Variants in CCDC126 observed in about 807,000 individuals in gnomAD.
CCDC126 encodes the protein coiled-coil domain containing 126.
Under a neutral mutation model 11.7 loss-of-function variants are expected in CCDC126, and 5 were observed. The observed-to-expected ratio is 0.43, with a 90% CI of 0.22 to 0.90. The LOEUF is 0.90. Ranked by LOEUF, CCDC126 falls within the 40% of genes least tolerant of loss-of-function variation. The pLI is 0.27. For missense variants in CCDC126, 150 were observed against 163.1 expected, an observed-to-expected ratio of 0.92 and a Z score of 0.44; for synonymous variants, 60 against 61.9, an observed-to-expected ratio of 0.97 and a Z score of 0.14.
chr7:23,614,758 A>G (rs1461434859), intron 3 of CCDC126, among the ~76,000 whole-genome samples: 2 of 152,178 alleles, frequency 1.3e-5, no homozygotes, highest in African/African-American at 4.8e-5. Context: ...GACTGGGCAC[A>G]TTGTCAAGGA....
chr7:23,620,507 A>G (rs1305310600), intron 3 of CCDC126, among the ~76,000 whole-genome samples: 1 of 151,652 alleles, frequency 6.6e-6, no homozygotes, highest in Non-Finnish European at 1.5e-5. Context: ...GATTGCAAAA[A>G]TTTTCTCCCA....
chr7:23,608,200 T>TA (rs1333456630), intron 2 of CCDC126, among the ~76,000 whole-genome samples: 1 of 152,212 alleles, frequency 6.6e-6, no homozygotes, highest in Non-Finnish European at 1.5e-5. Flanking sequence ...CGAAAACCCT[T>TA]ACTGTGCATC....
intron 3 of CCDC126, among the ~76,000 whole-genome samples, chr7:23,617,190 A>G (rs1782807573): frequency 6.6e-6 from 1 of 151,826 alleles, no homozygotes; most frequent in African/African-American, 2.4e-5. Flanking sequence ...TCTACTAAAA[A>G]TACGAAAATT....
At chr7:23,622,563 C>CTG (rs1782933427) in intron 3 of CCDC126, 1 of 535,996 alleles carries the variant, frequency 1.9e-6, no homozygotes, top group African/African-American at 1.9e-5. Flanking sequence ...CCTTGTGTAA[C>CTG]TGATTGTGTA....
At chr7:23,629,215 T>C (rs1374900970) in intron 3 of CCDC126, among the ~76,000 whole-genome samples, 1 of 152,234 alleles carries the variant, frequency 6.6e-6, no homozygotes, top group African/African-American at 2.4e-5. Context: ...GTGGCGTCTT[T>C]GGGAGGTGAT....
chr7:23,619,989 T>C (rs1359973774), intron 3 of CCDC126, among the ~76,000 whole-genome samples: 3 of 152,020 alleles, frequency 2.0e-5, no homozygotes, highest in African/African-American at 7.3e-5. Flanking sequence ...CATTGTTGGA[T>C]ATTTGGGTTG....
intron 3 of CCDC126, among the ~76,000 whole-genome samples, chr7:23,625,002 C>T (rs1161788263): frequency 2.0e-5 from 3 of 152,124 alleles, no homozygotes; most frequent in African/African-American, 4.8e-5. Context: ...TCCACCCTGC[C>T]GGGCTAATTT....
chr7:23,638,022 T>C (rs1257639297), intron 3 of CCDC126, among the ~76,000 whole-genome samples: 4 of 128,248 alleles, frequency 3.1e-5, no homozygotes, highest in Non-Finnish European at 6.8e-5. Context: ...GGAGCGCCTC[T>C]GCCCGGCCGC....
Position 23,628,628 on chromosome 7 carries a change from C to T in CCDC126, c.239-14303C>T, listed in dbSNP as rs375151760. On this transcript the variant is annotated intron_variant, in intron 3 of 3. Coordinates refer to ENST00000307471, the MANE Select transcript of CCDC126 (RefSeq NM_138771.4). ...AGGTGTTAGAGAAGGCAGTAGGAGCCGGAAATGTCACCCCTGCCAGCCAGC... is the reference window on the plus strand; with the variant it reads ...AGGTGTTAGAGAAGGCAGTAGGAGCTGGAAATGTCACCCCTGCCAGCCAGC... Among the ~76,000 whole-genome samples the T allele has an allele frequency of 1.6e-4, 24 of 152,292 alleles. No homozygotes were observed. The South Asian group carries it at 2.7e-3, about 17-fold the overall frequency.
In CCDC126 at chr7:23,629,913, T is replaced by C. The variant is rs112044302; in HGVS notation, c.239-13018T>C. 1.8e-4 allele frequency among the ~76,000 whole-genome samples: 27 copies of C among 152,276 alleles called. 2 individuals carry two copies. The highest frequency in any genetic ancestry group is 4.6e-4 in the African/African-American group (19 of 41,570). ...ATGAGAGCAGAGCTGGAAAAGCAAT[T>C]GAAGAAATGCTGTAAAATTTCCATA... On this transcript the variant is annotated intron_variant, in intron 3 of 3. Transcript: ENST00000307471.
Position 23,641,141 on chromosome 7 carries a change from G to T in CCDC126, c.239-1790G>T, listed in dbSNP as rs541755488. 5.9e-5 allele frequency among the ~76,000 whole-genome samples: 9 copies of T among 151,548 alleles called. No individual in the cohort carries two copies. The South Asian group carries it at 1.9e-3, about 32-fold the overall frequency. On this transcript the variant is annotated intron_variant, in intron 3 of 3. Transcript: ENST00000307471. ...ATATTCCCACCACTAATGTATGAGG[G>T]TTTCAGTTTCTCTGCATCCTTGCCA...
rs546768073 is a variant in CCDC126 at position 23,608,617 on chromosome 7, G to A, written c.-145-2554G>A. ...CCTAAGTTAGCCCTTAGAGAATAAT[G>A]CCTAATGGCATGATGATAATGGCAG... On this transcript the variant is annotated intron_variant, in intron 2 of 3. Transcript: ENST00000307471. Among the ~76,000 whole-genome samples, 6 of 152,190 alleles carry A rather than the reference G, an allele frequency of 3.9e-5. No individual in the cohort carries two copies. In the East Asian group the frequency reaches 9.7e-4, roughly 25 times the overall value.
At chr7:23,641,370 A>T (rs527438909) in intron 3 of CCDC126, among the ~76,000 whole-genome samples, 178 of 152,222 alleles carry the variant, frequency 1.2e-3, no homozygotes, top group African/African-American at 4.0e-3. Context: ...TTTGTTCGTG[A>T]ATTGTAAGAG....
intron 3 of CCDC126, among the ~76,000 whole-genome samples, chr7:23,631,396 A>G (rs1293502503): frequency 6.6e-6 from 1 of 152,208 alleles, no homozygotes; most frequent in African/African-American, 2.4e-5. Context: ...CTTGGATGAA[A>G]TGGATCAATT....
rs539839986 is a variant in CCDC126, at chr7:23,603,490, T to C, written c.-146+5439T>C. Among the ~76,000 whole-genome samples the C allele has an allele frequency of 1.2e-3, 180 of 152,312 alleles. 1 individual carries two copies. The highest frequency in any genetic ancestry group is 3.5e-3 in the Admixed American group (54 of 15,300). The stretch of plus-strand genomic sequence containing the variant: ...TTTCTAGGGGAAGTAAGGAAGGTAG[T>C]GTGGTGTAGAGAAAACCCTAGACAG... On this transcript the variant is annotated intron_variant, in intron 2 of 3. Transcript: ENST00000307471.
chr7:23,612,944 G>C (rs1374021142), intron 3 of CCDC126, among the ~76,000 whole-genome samples: 3 of 152,154 alleles, frequency 2.0e-5, no homozygotes, highest in Non-Finnish European at 4.4e-5. Flanking sequence ...AGAACAGATA[G>C]TATGGTTCTG....
chr7:23,600,181 T>C (rs993026835), intron 2 of CCDC126, among the ~76,000 whole-genome samples: 7 of 152,230 alleles, frequency 4.6e-5, no homozygotes, highest in African/African-American at 1.7e-4. Context: ...ACCATTTTTC[T>C]TTTATCTGTT....
chr7:23,605,399 TTGTGTGTGTGTGTGTGTGTGTGTG>T (rs3219575), intron 2 of CCDC126, among the ~76,000 whole-genome samples: 5 of 148,824 alleles, frequency 3.4e-5, no homozygotes, highest in South Asian at 4.3e-4. Flanking sequence ...TGTGATATGC[TTGTGTGTGTGTGTGTGTGTGTGTG>T]TGTGTGTGTG....
chr7:23,634,338 G>T (rs1783167734), intron 3 of CCDC126, among the ~76,000 whole-genome samples: 1 of 152,036 alleles, frequency 6.6e-6, no homozygotes, highest in Admixed American at 6.6e-5. Context: ...TTGGCAGGGG[G>T]TGGGGAGGGG....
Sources: gnomAD v4.1 joint callset for allele counts (sites outside exome capture counted in the v4.1 genomes callset) on GRCh38, gnomAD v4.1.1 for gene constraint, MANE v1.5 for transcripts, NCBI Gene and HGNC (gene_info 2026-07-23, HGNC 2026-07-21) for gene names.